The following VPS13C variants were observed in gnomAD, a reference collection of about 807,000 sequenced individuals.
VPS13C encodes the protein vacuolar protein sorting 13 homolog C, also known as intermembrane lipid transfer protein VPS13C.
A neutral mutation model predicts 456.8 loss-of-function variants in VPS13C; 358 were observed. The ratio of observed to expected loss-of-function variants is 0.78; its 90% CI spans 0.72 to 0.86. The LOEUF (loss-of-function observed/expected upper bound fraction) is 0.86. VPS13C is among the 40% of genes least tolerant of loss of function. The pLI is 0.00. For missense variants in VPS13C, 4,818 were observed against 4,385.4 expected (o/e 1.10, Z -2.79); for synonymous variants, 1,578 against 1,486.7 (o/e 1.06, Z -1.41).
intron 1 of VPS13C, among the ~76,000 whole-genome samples, chr15:62,052,999 C>G: frequency 6.6e-6 from 1 of 152,120 alleles, no homozygotes; most frequent in Non-Finnish European, 1.5e-5. Flanking sequence ...ACCAAAATAC[C>G]AATTCTCAGT....
At chr15:62,031,237 A>G (rs1365692212) in intron 5 of VPS13C, among the ~76,000 whole-genome samples, 1 of 152,082 alleles carries the variant, frequency 6.6e-6, no homozygotes, top group East Asian at 1.9e-4. Flanking sequence ...GACCAGCATG[A>G]TAATTTTGTT....
intron 16 of VPS13C, among the ~76,000 whole-genome samples, chr15:61,994,451 T>C (rs922512404): frequency 4.6e-5 from 7 of 152,270 alleles, no homozygotes; most frequent in African/African-American, 1.7e-4. Flanking sequence ...CTTGGGGAAT[T>C]TGCCTGTGAG....
chr15:61,962,919 A>C, intron 32 of VPS13C, 67 bp from the exon 33 acceptor site: 1 of 1,125,556 alleles, frequency 8.9e-7, no homozygotes, highest in South Asian at 2.2e-5. Flanking sequence ...TCTTTCCATT[A>C]CATTATTTTA....
At position 61,919,277 on chromosome 15, in the gene VPS13C, T is replaced by C; in HGVS notation, c.7638+12A>G. The C allele has an allele frequency of 6.3e-7, 1 of 1,580,662 alleles. No individual in the cohort carries two copies. The highest frequency in any genetic ancestry group is 2.4e-5 in the East Asian group (1 of 42,258). On this transcript the variant is annotated intron_variant, in intron 58 of 84. Coordinates refer to ENST00000644861, the MANE Select transcript of VPS13C (RefSeq NM_020821.3). ...TACACTGAAAGGGATACAATTAACT[T>C]TGAAGTATTACCTGTAGAGGAGAGC...
intron 65 of VPS13C, among the ~76,000 whole-genome samples, chr15:61,908,544 C>G (rs909630888): frequency 6.6e-6 from 1 of 152,048 alleles, no homozygotes; most frequent in African/African-American, 2.4e-5. Context: ...ATTTAACCTT[C>G]TACTATCCCT....
At chr15:61,866,493 T>C in intron 81 of VPS13C, 21 of 984,666 alleles carry the variant, frequency 2.1e-5, no homozygotes, top group Non-Finnish European at 2.4e-5. Context: ...AACAGCAATA[T>C]AACCAGTAAA....
chr15:61,867,155 A>G lies in VPS13C; in HGVS notation c.10863+1504T>C, dbSNP rs1894653210. 6.1e-6 allele frequency: 6 copies of G among 983,844 alleles called. No homozygotes were observed. In the South Asian group the frequency reaches 2.8e-4, roughly 46 times the overall value. The allele number at this position is 983,844 out of a possible 1,614,324, so 60.9% of individuals were successfully genotyped here. ...CTATGTATTCAAGTGCCACACAGCA[A>G]TTTGCCTAATTACATGTTCAACTTC... is the stretch of plus-strand genomic sequence containing the variant. On this transcript the variant is annotated intron_variant, in intron 81 of 84. Coordinates refer to ENST00000644861, the MANE Select transcript of VPS13C (RefSeq NM_020821.3). This position sits in a 1 kb window ranked among gnomAD's most constrained non-coding sequence, Gnocchi z 5.0.
rs756269439 is a variant in VPS13C at position 61,863,479 on chromosome 15, A to G, written c.10913T>C (p.Ile3638Thr). 2 of 1,613,042 alleles carry G rather than the reference A, an allele frequency of 1.2e-6. No individual in the cohort carries two copies. The highest frequency in any genetic ancestry group is 1.1e-5 in the South Asian group (1 of 91,002). Residue 3638 changes from isoleucine to threonine, a missense_variant, in exon 82 of 85, where the codon ATT becomes ACT. Physicochemically the swap from Ile to Thr is moderately conservative, Grantham distance 89 (BLOSUM62 -1). Coordinates refer to ENST00000644861, the MANE Select transcript of VPS13C (RefSeq NM_020821.3). ...AAGGATTGTCTTCTTGCTTCCAGGA[A>G]TAGCACAGTGGTATCGGTAAGTCTC... is the stretch of plus-strand genomic sequence containing the variant. ...EGETYRYHCA[I>T]PGSKKTILMV...
intron 66 of VPS13C, among the ~76,000 whole-genome samples, chr15:61,902,228 A>G (rs1391295865): frequency 6.6e-6 from 1 of 151,532 alleles, no homozygotes; most frequent in East Asian, 1.9e-4. Flanking sequence ...AACCTGCACA[A>G]TGTGCACATG....
intron 47 of VPS13C, among the ~76,000 whole-genome samples, chr15:61,937,503 C>T (rs893177729): frequency 1.3e-5 from 2 of 152,138 alleles, no homozygotes; most frequent in African/African-American, 4.8e-5. Context: ...GAGATGGAGT[C>T]TCGCTCTGTC....
rs1329758505 is a variant in VPS13C at position 61,897,146 on chromosome 15, T to C, written c.9106-6746A>G. On this transcript the variant is annotated intron_variant, in intron 66 of 84. Coordinates refer to ENST00000644861, the MANE Select transcript of VPS13C (RefSeq NM_020821.3). Reference sequence around the variant, plus strand: ...CCAAAAGTAGATAAAACCACAAAGATGGGGAAAAAACAGAACAGAAAAACT... The same window carrying C: ...CCAAAAGTAGATAAAACCACAAAGACGGGGAAAAAACAGAACAGAAAAACT... 4.0e-5 allele frequency among the ~76,000 whole-genome samples: 6 copies of C among 151,772 alleles called. No homozygotes were observed. In the East Asian group the frequency reaches 9.7e-4, roughly 25 times the overall value.
At chr15:62,005,092 C>T (rs2046784416) in intron 15 of VPS13C, among the ~76,000 whole-genome samples, 1 of 151,886 alleles carries the variant, frequency 6.6e-6, no homozygotes, top group African/African-American at 2.4e-5. Context: ...CTTTCTGTCT[C>T]GTTGATCTGT....
Position 61,962,816 on chromosome 15 carries a change from T to A in VPS13C, c.3368A>T (p.Gln1123Leu), listed in dbSNP as rs1475459408. Residue 1123 changes from glutamine to leucine, a missense_variant, in exon 33 of 85, where the codon CAG (glutamine) becomes CTG (leucine). Gln to Leu is a moderately radical substitution (Grantham distance 113). Around this residue, in one of 3 missense-constraint regions of VPS13C, gnomAD observed 4,552 missense variants for 4,130.6 expected, o/e 1.10. Coordinates refer to ENST00000644861, the MANE Select transcript of VPS13C (RefSeq NM_020821.3). The stretch of plus-strand genomic sequence containing the variant: ...ATTTTCTAGTCGGGCAAAAAGTGAC[T>A]GCTTTCTTGACTGGAGAGAAAGGGA... The part of the protein sequence containing the change: ...DSSLSLQSRK[Q>L]SLFARLENII... 1.2e-6 allele frequency: 2 copies of A among 1,606,960 alleles called. No individual in the cohort carries two copies. Among genetic ancestry groups the A allele is most frequent in the Admixed American group, 3.3e-5 (2 of 59,892 alleles).
chr15:61,878,459 G>A, intron 74 of VPS13C, 148 bp downstream of exon 74: 1 of 1,015,086 alleles, frequency 9.9e-7, no homozygotes, highest in Non-Finnish European at 1.4e-6. Context: ...TTCCTAAAGA[G>A]TATAATCACA....
intron 15 of VPS13C, among the ~76,000 whole-genome samples, chr15:62,006,114 A>G (rs533297765): frequency 6.8e-6 from 1 of 146,602 alleles, no homozygotes; most frequent in East Asian, 2.0e-4. Flanking sequence ...TTTTTTTATT[A>G]TTATTATACT....
Position 61,858,901 on chromosome 15 carries a change from C to A in VPS13C, c.10953-2492G>T, listed in dbSNP as rs1327344225. ...AAAATGTATACAGTCTCTAACTGGT[C>A]TCCTTGCCTCTGGACTGATTCTCTT... On this transcript the variant is annotated intron_variant, in intron 82 of 84. Transcript: ENST00000644861. The surrounding 1 kb of genome is among the most constrained non-coding windows in gnomAD (Gnocchi z 4.4). 6.6e-6 allele frequency among the ~76,000 whole-genome samples: 1 copy of A among 152,220 alleles called. No homozygotes were observed. The highest frequency in any genetic ancestry group is 1.5e-5 in the Non-Finnish European group (1 of 68,044).
In VPS13C at chr15:61,869,664, TAA is replaced by T. The variant is rs745565304; in HGVS notation, c.10625-43_10625-42del. On this transcript the variant is annotated intron_variant, in intron 79 of 84. Transcript: ENST00000644861. ...GACCATGAATGGATAAAGATATTTTTAAATGAGCAAGTTTGAGCTCAACCAAA... is the reference window on the plus strand; with the variant it reads ...GACCATGAATGGATAAAGATATTTTTATGAGCAAGTTTGAGCTCAACCAAA... 4.3e-6 allele frequency: 7 copies of T among 1,611,052 alleles called. No homozygotes were observed. The Admixed American group carries it at 1.2e-4, about 27-fold the overall frequency.
chr15:62,057,849 A>T (rs755092831), intron 1 of VPS13C, among the ~76,000 whole-genome samples: 156 of 152,314 alleles, frequency 1.0e-3, no homozygotes, highest in South Asian at 1.0e-3. Context: ...TCATGGTAAA[A>T]CCATTATCAG....
intron 66 of VPS13C, 109 bp downstream of exon 66, chr15:61,907,147 TGGAAATAC>T: frequency 6.6e-7 from 1 of 1,510,132 alleles, no homozygotes. Context: ...CTACTTTTTC[TGGAAATAC>T]TTCCAATTCA....
Sources: allele counts gnomAD v4.1 joint callset (sites outside exome capture counted in the v4.1 genomes callset), GRCh38; gene constraint gnomAD v4.1.1; regional missense constraint gnomAD v4.1.1; non-coding constraint Gnocchi (gnomAD v3.1); transcripts MANE v1.5; gene names NCBI Gene and HGNC (gene_info 2026-07-23, HGNC 2026-07-21).